Variants in AMMECR1 observed in about 807,000 individuals in gnomAD.
AMMECR1 encodes AMMECR nuclear protein 1.
A neutral mutation model predicts 22.5 loss-of-function variants in AMMECR1; 3 were observed. That is an observed-to-expected ratio of 0.13 (90% CI 0.06 to 0.35). The LOEUF is 0.35. Ranked by LOEUF, AMMECR1 falls within the 10% of genes least tolerant of loss-of-function variation. The pLI, the probability that AMMECR1 is intolerant of heterozygous loss-of-function variation, is 1.00. For missense variants in AMMECR1, 235 were observed against 278.7 expected (o/e 0.84, Z 1.12); for synonymous variants, 130 against 116.7 (o/e 1.11, Z -0.74).
chrX:110,325,497 T>C (rs2068094613), intron 2 of AMMECR1, among the ~76,000 whole-genome samples: 1 of 112,203 alleles, frequency 8.9e-6, no homozygotes, highest in Non-Finnish European at 1.9e-5. Context: ...TGTTAAATTT[T>C]TCTGTTTCTT....
At chrX:110,295,306 T>A (rs2067929809) in intron 1 of AMMECR1, among the ~76,000 whole-genome samples, 1 of 111,296 alleles carries the variant, frequency 9.0e-6, no homozygotes, top group Non-Finnish European at 1.9e-5. Flanking sequence ...AAAATATCAT[T>A]AAGCACTTTG....
In AMMECR1 at chrX:110,291,634, C is replaced by T. The variant is rs182058000; in HGVS notation, c.473+25965G>A. 4.4e-3 allele frequency among the ~76,000 whole-genome samples: 497 copies of T among 111,723 alleles called. 2 individuals are homozygous for T. The highest frequency in any genetic ancestry group is 0.013 in the African/African-American group (404 of 30,735). On this transcript the variant is annotated intron_variant, in intron 1 of 5. Transcript: ENST00000262844. ...ATGCTAAATCTGAAAGGGACAGCTT[C>T]GAAGTTTCACATTGGAACACTGATG...
intron 1 of AMMECR1, among the ~76,000 whole-genome samples, chrX:110,268,611 G>A (rs968210954): frequency 9.0e-6 from 1 of 111,685 alleles, no homozygotes; most frequent in Admixed American, 9.5e-5. Context: ...ATGACTACGA[G>A]AACATTCAAC....
chrX:110,260,508 GTACTTTAATTCT>G lies in AMMECR1; in HGVS notation c.584+3969_584+3980del, dbSNP rs768242843. On this transcript the variant is annotated intron_variant, in intron 2 of 5. Transcript: ENST00000262844. Reference sequence around the variant, plus strand: ...TGAACATACAACTTGACTATGACAAGTACTTTAATTCTAAAAGTTTAAATAATTTTATTAAAA... The same window carrying G: ...TGAACATACAACTTGACTATGACAAGAAAAGTTTAAATAATTTTATTAAAA... 4.0e-3 allele frequency among the ~76,000 whole-genome samples: 446 copies of G among 110,729 alleles called. 3 individuals carry two copies. The highest frequency in any genetic ancestry group is 6.3e-3 in the Non-Finnish European group (332 of 52,828).
intron 1 of AMMECR1, among the ~76,000 whole-genome samples, chrX:110,299,815 G>C (rs2067956252): frequency 9.0e-6 from 1 of 111,683 alleles, no homozygotes; most frequent in Non-Finnish European, 1.9e-5. Context: ...TCTATGTTTG[G>C]CTTATTTCAC....
chrX:110,412,272 A>G (rs1352686042), intron 2 of AMMECR1, among the ~76,000 whole-genome samples: 5 of 112,630 alleles, frequency 4.4e-5, no homozygotes, highest in Non-Finnish European at 9.4e-5. Context: ...TTCCTGTCTT[A>G]GGAGTTTACC....
At chrX:110,280,589 C>T (rs923084536) in intron 1 of AMMECR1, among the ~76,000 whole-genome samples, 1 of 111,232 alleles carries the variant, frequency 9.0e-6, no homozygotes, top group Admixed American at 9.6e-5. Context: ...AAATTCAATA[C>T]ATGTTCACTA....
intron 1 of AMMECR1, among the ~76,000 whole-genome samples, chrX:110,292,626 T>C (rs759496783): frequency 6.2e-5 from 7 of 112,347 alleles, no homozygotes; most frequent in African/African-American, 2.3e-4. Flanking sequence ...GTCTACACAC[T>C]GTATGATTCC....
chrX:110,233,837 G>T (rs1020045085), intron 2 of AMMECR1, among the ~76,000 whole-genome samples: 2 of 111,795 alleles, frequency 1.8e-5, no homozygotes, highest in South Asian at 7.4e-4. Flanking sequence ...TCTCAAAATA[G>T]TAAGAGCTAT....
intron 2 of AMMECR1, among the ~76,000 whole-genome samples, chrX:110,380,447 C>T (rs761132470): frequency 2.7e-5 from 3 of 111,724 alleles, no homozygotes; most frequent in African/African-American, 9.7e-5. Flanking sequence ...AAATCAGAGG[C>T]AACACAGACA....
intron 1 of AMMECR1, among the ~76,000 whole-genome samples, chrX:110,437,063 C>A (rs2068843881): frequency 8.9e-6 from 1 of 112,115 alleles, no homozygotes; most frequent in African/African-American, 3.2e-5. Context: ...GAAGTGATTT[C>A]ACGAATCTTT....
At chrX:110,424,059 C>G (rs892295556) in intron 2 of AMMECR1, among the ~76,000 whole-genome samples, 1 of 111,612 alleles carries the variant, frequency 9.0e-6, no homozygotes, top group Non-Finnish European at 1.9e-5. Flanking sequence ...TTATTTCATC[C>G]TCACCACAAA....
At chrX:110,374,609 G>A (rs1235171116) in intron 2 of AMMECR1, among the ~76,000 whole-genome samples, 1 of 111,898 alleles carries the variant, frequency 8.9e-6, no homozygotes, top group African/African-American at 3.3e-5. Flanking sequence ...CTTAGAAGTA[G>A]GGCTATTAAG....
At chrX:110,252,702 CTTTTA>C (rs1175567462) in intron 2 of AMMECR1, among the ~76,000 whole-genome samples, 116 of 112,350 alleles carry the variant, frequency 1.0e-3, no homozygotes, top group Middle Eastern at 4.6e-3. Flanking sequence ...AAAAACAAGA[CTTTTA>C]TTTATTCAAC....
chrX:110,233,485 G>C (rs760659075), intron 2 of AMMECR1, among the ~76,000 whole-genome samples: 1 of 111,817 alleles, frequency 8.9e-6, no homozygotes, highest in Non-Finnish European at 1.9e-5. Context: ...CATCTTATGC[G>C]GTCAACATCA....
At chrX:110,200,813 C>T (rs1384928940) in intron 5 of AMMECR1, 141 bp downstream of exon 5, 1 of 447,473 alleles carries the variant, frequency 2.2e-6, no homozygotes, top group African/African-American at 2.4e-5. Flanking sequence ...TTGTATCCAC[C>T]CTCAGTATGA....
chrX:110,318,049 A>G lies in AMMECR1; in HGVS notation c.23T>C (p.Val8Ala). 3 of 1,196,864 alleles carry G rather than the reference A, an allele frequency of 2.5e-6. No homozygotes were observed. The highest frequency in any genetic ancestry group is 2.2e-5 in the Admixed American group (1 of 45,032). The change falls in exon 1 of 6, where the codon GTG becomes GCG. Residue 8 changes from valine to alanine, a missense_variant. Val to Ala is a moderately conservative substitution (Grantham distance 64). Coordinates refer to ENST00000262844, the MANE Select transcript of AMMECR1 (RefSeq NM_015365.3). Reference protein sequence around the residue: MAAGCCGVKKQKLSSSPP... With the variant: MAAGCCGAKKQKLSSSPP... ...CGAACTGGACAGTTTCTGCTTCTTC[A>G]CCCCGCAGCAACCCGCCGCCATCTT...
chrX:110,281,838 A>G (rs1273249399), intron 1 of AMMECR1, among the ~76,000 whole-genome samples: 3 of 112,543 alleles, frequency 2.7e-5, no homozygotes, highest in Non-Finnish European at 5.6e-5. Context: ...CACAGTACAC[A>G]TCACTACCCA....
At chrX:110,436,974 C>T (rs900769300) in intron 1 of AMMECR1, among the ~76,000 whole-genome samples, 1 of 112,033 alleles carries the variant, frequency 8.9e-6, no homozygotes, top group Non-Finnish European at 1.9e-5. Flanking sequence ...CCTTCTGGAC[C>T]CTGATCTCCC....
Sources: allele counts gnomAD v4.1 joint callset (sites outside exome capture counted in the v4.1 genomes callset), GRCh38; gene constraint gnomAD v4.1.1; transcripts MANE v1.5; gene names NCBI Gene and HGNC (gene_info 2026-07-23, HGNC 2026-07-21).